Variants in MACF1 observed in about 807,000 individuals in gnomAD.
The protein encoded by MACF1 is microtubule-actin cross-linking factor 1.
MACF1 carries 193 observed loss-of-function variants against 854.8 expected under a neutral mutation model. The observed-to-expected ratio is 0.23, with a 90% CI of 0.20 to 0.25. MACF1 has a LOEUF of 0.25. Among genes scored for constraint, MACF1 ranks in the 10% least tolerant of loss-of-function variants. The pLI is 1.00. For missense variants in MACF1, 7,722 were observed against 8,929.1 expected (o/e 0.86, Z 5.45); for synonymous variants, 3,185 against 3,226.7 (o/e 0.99, Z 0.44).
intron 2 of MACF1, among the ~76,000 whole-genome samples, chr1:39,107,235 A>G (rs1474895496): frequency 1.3e-5 from 2 of 151,970 alleles, no homozygotes; most frequent in African/African-American, 4.8e-5. Flanking sequence ...AGTACTGGTG[A>G]CCTCCAGCGG....
Position 39,331,634 on chromosome 1 carries a change from T to A in MACF1, c.5046T>A (p.Ser1682=), listed in dbSNP as rs1646727581. Residue 1682 remains serine, a synonymous_variant, in exon 37 of 101, where the codon TCT becomes TCA. Coordinates refer to ENST00000564288, the MANE Select transcript of MACF1 (RefSeq NM_001394062.1). ...AGGCTTTTCATCAAGGCCTCATTTC[T>A]GCATGGCTTCATTCAGTATTAGAGT... is the stretch of plus-strand genomic sequence containing the variant. ...LEEAFHQGLI[S]AWLHSVLESY... The A allele has an allele frequency of 6.2e-7, 1 of 1,614,116 alleles. No individual in the cohort carries two copies. Among genetic ancestry groups the A allele is most frequent in the Non-Finnish European group, 8.5e-7 (1 of 1,180,050 alleles).
Position 39,372,513 on chromosome 1 carries a change from T to G in MACF1, c.13130T>G (p.Leu4377Arg). 6.2e-7 allele frequency: 1 copy of G among 1,613,754 alleles called. No individual in the cohort carries two copies. Among genetic ancestry groups the G allele is most frequent in the Non-Finnish European group, 8.5e-7 (1 of 1,179,740 alleles). The change falls in exon 52 of 101, where the codon CTG becomes CGG. Residue 4377 changes from leucine (L) to arginine (R), a missense_variant. By Grantham distance (102) the Leu-to-Arg change is moderately radical. Coordinates refer to ENST00000564288, the MANE Select transcript of MACF1 (RefSeq NM_001394062.1). ...GATGACTGGGCAAGTAAGGGAACTC[T>G]GGTGGAAGAAATCAATTGCAAAGGT... ...LLDDWASKGT[L>R]VEEINCKGTS...
At chr1:39,462,608 A>G (rs1348622367) in intron 93 of MACF1, among the ~76,000 whole-genome samples, 3 of 151,592 alleles carry the variant, frequency 2.0e-5, no homozygotes, top group East Asian at 3.9e-4. Flanking sequence ...CCAGCTACTC[A>G]GGAGACTGAG....
At chr1:39,261,733 C>G (rs1363243210) in intron 6 of MACF1, among the ~76,000 whole-genome samples, 2 of 152,082 alleles carry the variant, frequency 1.3e-5, no homozygotes, top group African/African-American at 4.8e-5. Flanking sequence ...GTGGTTTTCA[C>G]TTTTTCACTG....
chr1:39,302,884 G>C (rs199696505), intron 22 of MACF1, 40 bp from the exon 23 acceptor site: 89 of 1,577,554 alleles, frequency 5.6e-5, no homozygotes, highest in Non-Finnish European at 1.9e-5. Flanking sequence ...TGGGTTGTTG[G>C]TTTATCCATT....
rs534644517 is a variant in MACF1, at chr1:39,101,796, C to G, written c.220+17358C>G. ...CCGAGATCACGCCACTGCACTCCAG[C>G]CTGGGTGGTGACAGAGCGAGACTCC... is the stretch of plus-strand genomic sequence containing the variant. On this transcript the variant is annotated intron_variant, in intron 2 of 93. Transcript: ENST00000361689. Among the ~76,000 whole-genome samples the G allele has an allele frequency of 4.0e-5, 6 of 148,902 alleles. 1 individual carries two copies. The South Asian group carries it at 1.3e-3, about 32-fold the overall frequency.
At chr1:39,392,814 G>C (rs1642086886) in intron 58 of MACF1, among the ~76,000 whole-genome samples, 1 of 152,130 alleles carries the variant, frequency 6.6e-6, no homozygotes, top group Non-Finnish European at 1.5e-5. Context: ...TGATTAGTAG[G>C]TCCTCACTGG....
At chr1:39,396,745 G>A (rs562518279) in intron 58 of MACF1, among the ~76,000 whole-genome samples, 1 of 152,280 alleles carries the variant, frequency 6.6e-6, no homozygotes, top group South Asian at 2.1e-4. Context: ...TAGAGTTGCT[G>A]GTTTACTAGG....
chr1:39,200,902 C>T (rs1416152726), upstream of MACF1, among the ~76,000 whole-genome samples: 1 of 152,084 alleles, frequency 6.6e-6, no homozygotes, highest in Non-Finnish European at 1.5e-5. Flanking sequence ...TGGCGAAACC[C>T]GGTTTCTACC....
rs753655721 is a variant in MACF1, at chr1:39,268,683, T to G, written c.528+10655T>G. On this transcript the variant is annotated intron_variant, in intron 6 of 100. Transcript: ENST00000564288. ...GGCTTAGCTGCGTTTTTGCTGAGAT[T>G]AGGAGAGGAAGGAAATGGGAAATTC... is the stretch of plus-strand genomic sequence containing the variant. The G allele has an allele frequency of 4.0e-6, 5 of 1,264,902 alleles. No individual in the cohort carries two copies. In the South Asian group the frequency reaches 6.6e-5, roughly 17 times the overall value. The allele number at this position is 1,264,902 out of a possible 1,614,324, so 78.4% of individuals were successfully genotyped here.
rs147697630 is a variant in MACF1 at position 39,337,287 on chromosome 1, G to A, written c.10171G>A (p.Glu3391Lys). ...EMRTKQIQPL[E>K]LNLAELQDLL... ...GAGGACCAAACAGATTCAACCTTTG[G>A]AGCTAAACCTGGCAGAACTACAGGA... Residue 3391 changes from glutamate (E) to lysine (K), a missense_variant, in exon 38 of 101, where the codon GAG becomes AAG. Around this residue, in one of 15 missense-constraint regions of MACF1, gnomAD observed 854 missense variants for 852.6 expected, o/e 1.00. Transcript: ENST00000564288. The A allele has an allele frequency of 4.2e-5, 68 of 1,613,886 alleles. No homozygotes were observed. Among genetic ancestry groups the A allele is most frequent in the East Asian group, 6.7e-5 (3 of 44,882 alleles).
At chr1:39,258,701 G>A (rs1315346151) in intron 6 of MACF1, among the ~76,000 whole-genome samples, 1 of 152,170 alleles carries the variant, frequency 6.6e-6, no homozygotes, top group East Asian at 1.9e-4. Context: ...CTATTTCTCA[G>A]ACAGCTCTCT....
intron 58 of MACF1, chr1:39,410,938 A>C: frequency 6.2e-7 from 1 of 1,614,010 alleles, no homozygotes; most frequent in Non-Finnish European, 8.5e-7. Flanking sequence ...TCAGCAGCAC[A>C]GTGCAAACCC....
At chr1:39,214,721 A>G (rs1644555698) in intron 1 of MACF1, among the ~76,000 whole-genome samples, 1 of 152,166 alleles carries the variant, frequency 6.6e-6, no homozygotes, top group Admixed American at 6.6e-5. Flanking sequence ...GGGGAAGGGA[A>G]ACTTTCTTTG....
chr1:39,393,844 A>T (rs1642155896), intron 58 of MACF1, among the ~76,000 whole-genome samples: 1 of 120,260 alleles, frequency 8.3e-6, no homozygotes, highest in African/African-American at 3.8e-5. Flanking sequence ...AGAGGGAGGG[A>T]GGGAGAGAGA....
Position 39,293,547 on chromosome 1 carries a change from G to C in MACF1, c.2082G>C (p.Lys694Asn). Residue 694 changes from lysine (K) to asparagine (N), a missense_variant, in exon 18 of 101, where the codon AAG becomes AAC. This residue lies in a region of MACF1 where 1,137 missense variants were observed against 1,263.0 expected (regional missense o/e 0.90). Coordinates refer to ENST00000564288, the MANE Select transcript of MACF1 (RefSeq NM_001394062.1). ...ATAELIWLNE[K>N]EEEELAYDWS... is the part of the protein sequence containing the mutation. ...CTGAGTTGATCTGGTTGAATGAGAA[G>C]GAGGAGGAGGAACTAGCATATGACT... 1 of 1,613,702 alleles carries C rather than the reference G, an allele frequency of 6.2e-7. No individual in the cohort carries two copies. The highest frequency in any genetic ancestry group is 8.5e-7 in the Non-Finnish European group (1 of 1,179,668).
At chr1:39,182,319 A>G (rs1225800349) in intron 2 of MACF1, among the ~76,000 whole-genome samples, 1 of 152,110 alleles carries the variant, frequency 6.6e-6, no homozygotes, top group Non-Finnish European at 1.5e-5. Flanking sequence ...CTTGTAGCTA[A>G]CACTGAAAGT....
intron 22 of MACF1, 107 bp from the exon 23 acceptor site, chr1:39,302,817 T>C (rs1464780372): frequency 1.8e-6 from 2 of 1,100,836 alleles, no homozygotes; most frequent in Non-Finnish European, 2.6e-6. Flanking sequence ...GATCTTTTCT[T>C]AAGCAGATTT....
Position 39,361,423 on chromosome 1 carries a change from C to G in MACF1, c.12517C>G (p.Arg4173Gly). Residue 4173 changes from arginine to glycine, a missense_variant, in exon 49 of 101, where the codon CGA (arginine) becomes GGA (glycine). Arg to Gly is a moderately radical substitution (Grantham distance 125). Transcript: ENST00000564288. ...SLEATREMVT[R>G]FMETADSTTA... ...GGAGGCCACCCGTGAGATGGTGACCCGATTCATGGAGACAGCAGACAGTAC... is the reference window on the plus strand; with the variant it reads ...GGAGGCCACCCGTGAGATGGTGACCGGATTCATGGAGACAGCAGACAGTAC... 1.2e-6 allele frequency: 2 copies of G among 1,614,090 alleles called. No homozygotes were observed. Among genetic ancestry groups the G allele is most frequent in the Non-Finnish European group, 1.7e-6 (2 of 1,180,028 alleles).
Sources: gnomAD v4.1 joint callset for allele counts (sites outside exome capture counted in the v4.1 genomes callset) on GRCh38, gnomAD v4.1.1 for gene constraint, gnomAD v4.1.1 regional missense constraint, MANE v1.5 for transcripts, NCBI Gene and HGNC (gene_info 2026-07-23, HGNC 2026-07-21) for gene names.